FBXO42: variants seen among roughly 807,000 people sequenced by gnomAD.
FBXO42 encodes F-box protein 42.
Under a neutral mutation model 71.7 loss-of-function variants are expected in FBXO42, and 12 were observed. The observed-to-expected ratio is 0.17, with a 90% CI of 0.11 to 0.27. The LOEUF is 0.27. FBXO42 is among the 10% of genes least tolerant of loss of function. The probability of loss-of-function intolerance (pLI) is 1.00; values close to 1 mark genes in which losing one functional copy is unlikely to be tolerated. For synonymous variants in FBXO42, 325 were observed against 327.5 expected (o/e 0.99, Z 0.08); for missense variants, 707 against 911.9 (o/e 0.78, Z 2.89).
At chr1:16,260,714 G>C (rs1359241352) in intron 4 of FBXO42, among the ~76,000 whole-genome samples, 2 of 151,748 alleles carry the variant, frequency 1.3e-5, no homozygotes, top group Non-Finnish European at 2.9e-5. Context: ...TTATTTTTTT[G>C]AGATGAGGTC....
chr1:16,251,824 T>C lies in FBXO42; in HGVS notation c.1039-39A>G, dbSNP rs1190742076. 2 of 1,564,520 alleles carry C rather than the reference T, an allele frequency of 1.3e-6. No homozygotes were observed. The highest frequency in any genetic ancestry group is 1.7e-6 in the Non-Finnish European group (2 of 1,155,624). On this transcript the variant is annotated intron_variant, in intron 9 of 9. Coordinates refer to ENST00000375592, the MANE Select transcript of FBXO42 (RefSeq NM_018994.3). This position sits in a 1 kb window ranked among gnomAD's most constrained non-coding sequence, Gnocchi z 4.5. Reference sequence around the variant, plus strand: ...GACCAGTGCTCACACTCTTCTATGATTCTGATTGTTCATTCAACTGTCAAA... The same window carrying C: ...GACCAGTGCTCACACTCTTCTATGACTCTGATTGTTCATTCAACTGTCAAA...
chr1:16,328,989 C>A (rs1290104736), intron 1 of FBXO42, among the ~76,000 whole-genome samples: 1 of 151,384 alleles, frequency 6.6e-6, no homozygotes, highest in African/African-American at 2.4e-5. Context: ...ATGGTGAAAC[C>A]CCATCTCTAC....
Position 16,294,978 on chromosome 1 carries a change from C to G in FBXO42, c.368-61G>C, listed in dbSNP as rs1226980294. 3 of 1,502,310 alleles carry G rather than the reference C, an allele frequency of 2.0e-6. No individual in the cohort carries two copies. In the African/African-American group the frequency reaches 4.2e-5, roughly 21 times the overall value. 93.1% of individuals were successfully genotyped at this position (1,502,310 alleles called of 1,614,324 possible). A position where few individuals can be genotyped will look rare whatever the true frequency, so the allele number is the denominator to read the frequency against. ...TTCTGAGGCCCTTCCAACATTTTAA[C>G]CATAACATATATTTTTCAAAGCTTA... On this transcript the variant is annotated intron_variant, in intron 3 of 9. Transcript: ENST00000375592.
chr1:16,329,317 T>C (rs190793597), intron 1 of FBXO42, among the ~76,000 whole-genome samples: 2 of 151,460 alleles, frequency 1.3e-5, no homozygotes, highest in Non-Finnish European at 2.9e-5. Context: ...GGTGCTGTGG[T>C]TCATGCCTGT....
At chr1:16,263,122 A>G (rs944503563) in intron 4 of FBXO42, among the ~76,000 whole-genome samples, 1 of 152,156 alleles carries the variant, frequency 6.6e-6, no homozygotes, top group Non-Finnish European at 1.5e-5. Context: ...TTCAAATTAC[A>G]TAACTTTATT....
chr1:16,260,364 A>T (rs2081697968), intron 4 of FBXO42, among the ~76,000 whole-genome samples: 1 of 151,888 alleles, frequency 6.6e-6, no homozygotes, highest in South Asian at 2.1e-4. Flanking sequence ...GTATACTGCC[A>T]CGCCCGGCTA....
At chr1:16,333,172 CTTCA>C (rs1317959055) in intron 1 of FBXO42, among the ~76,000 whole-genome samples, 1 of 152,082 alleles carries the variant, frequency 6.6e-6, no homozygotes, top group Non-Finnish European at 1.5e-5. Context: ...TGTACAGTAT[CTTCA>C]TTATCTCAAA....
At chr1:16,349,942 T>C (rs1016565462) in intron 1 of FBXO42, among the ~76,000 whole-genome samples, 20 of 152,354 alleles carry the variant, frequency 1.3e-4, no homozygotes, top group African/African-American at 2.6e-4. Context: ...ATCTTTGAGA[T>C]AGCTTCTCCC....
At chr1:16,306,389 A>G (rs1203188643) in intron 2 of FBXO42, among the ~76,000 whole-genome samples, 1 of 152,198 alleles carries the variant, frequency 6.6e-6, no homozygotes, top group African/African-American at 2.4e-5. Context: ...ACAATTTTAA[A>G]ACTGAAAGGC....
At chr1:16,343,322 T>C (rs975311642) in intron 1 of FBXO42, among the ~76,000 whole-genome samples, 6 of 152,074 alleles carry the variant, frequency 3.9e-5, no homozygotes, top group African/African-American at 9.7e-5. Flanking sequence ...AGGTGGAGGA[T>C]TGCTTGAAGA....
intron 4 of FBXO42, among the ~76,000 whole-genome samples, chr1:16,267,242 C>T (rs561635894): frequency 1.3e-5 from 2 of 152,256 alleles, no homozygotes; most frequent in Admixed American, 1.3e-4. Context: ...ATAATAATTA[C>T]AAGTCATTGC....
intron 1 of FBXO42, among the ~76,000 whole-genome samples, chr1:16,346,794 G>A (rs934287019): frequency 1.5e-5 from 2 of 135,928 alleles, no homozygotes; most frequent in Non-Finnish European, 3.1e-5. Context: ...TCACTCTGTC[G>A]CCCAGGCTGG....
In FBXO42 at chr1:16,310,925, T is replaced by C. The variant is rs570138792; in HGVS notation, c.250+4244A>G. Among the ~76,000 whole-genome samples, 196 of 151,176 alleles carry C rather than the reference T, an allele frequency of 1.3e-3. No homozygotes were observed. In the Middle Eastern group the frequency reaches 0.024, roughly 18 times the overall value. On this transcript the variant is annotated intron_variant, in intron 2 of 9. Coordinates refer to ENST00000375592, the MANE Select transcript of FBXO42 (RefSeq NM_018994.3). ...GAAGGTGGAGGTTGCAGTGAGCCAA[T>C]ATTGTGCCACTGCACTCCAGCCTGG...
In FBXO42 at chr1:16,251,157, A is replaced by T; in HGVS notation, c.1667T>A (p.Leu556Gln). The T allele has an allele frequency of 6.2e-7, 1 of 1,614,186 alleles. No homozygotes were observed. The highest frequency in any genetic ancestry group is 8.5e-7 in the Non-Finnish European group (1 of 1,180,034). ...TTTGATGGCTTCCAGACTCCGACGC[A>T]GGGCACCTGGGGAGACGGCCCCTGC... Reference protein sequence around the residue: ...ALAGAVSPGALRRSLEAIKAM... With the variant: ...ALAGAVSPGAQRRSLEAIKAM... Residue 556 changes from leucine to glutamine, a missense_variant, in exon 10 of 10, where the codon CTG becomes CAG. Physicochemically the swap from Leu to Gln is moderately radical, Grantham distance 113. This residue lies in a region of FBXO42 where 482 missense variants were observed against 587.1 expected (regional missense o/e 0.82). Transcript: ENST00000375592. This position sits in a 1 kb window ranked among gnomAD's most constrained non-coding sequence, Gnocchi z 4.5.
At position 16,281,548 on chromosome 1, in the gene FBXO42, G is replaced by C. The variant is rs556653412; in HGVS notation, c.502+13235C>G. ...GCAGTGACAGAACATGGTTCACTGT[G>C]ACCTCTGCCTCCCAGGTTCAAGCAA... On this transcript the variant is annotated intron_variant, in intron 4 of 9. Coordinates refer to ENST00000375592, the MANE Select transcript of FBXO42 (RefSeq NM_018994.3). 9.4e-5 allele frequency among the ~76,000 whole-genome samples: 14 copies of C among 148,720 alleles called. No homozygotes were observed. In the South Asian group the frequency reaches 2.8e-3, roughly 30 times the overall value.
chr1:16,343,914 G>T (rs1261879319), intron 1 of FBXO42, among the ~76,000 whole-genome samples: 2 of 150,164 alleles, frequency 1.3e-5, no homozygotes, highest in Admixed American at 6.7e-5. Flanking sequence ...GGAGATTGGG[G>T]CTGCATTGAG....
chr1:16,317,215 C>G (rs1470836189), intron 1 of FBXO42, among the ~76,000 whole-genome samples: 2 of 152,082 alleles, frequency 1.3e-5, no homozygotes, highest in African/African-American at 4.8e-5. Flanking sequence ...GTCAGGAGTT[C>G]AAGACCAGCC....
At chr1:16,294,148 T>A (rs1318521271) in intron 4 of FBXO42, 1 of 152,314 alleles carries the variant, frequency 6.6e-6, no homozygotes, top group Non-Finnish European at 1.5e-5. Flanking sequence ...CACCAACCCC[T>A]CCAATCTATG....
chr1:16,253,537 G>T, intron 7 of FBXO42, 98 bp downstream of exon 7: 1 of 979,572 alleles, frequency 1.0e-6, no homozygotes, highest in Non-Finnish European at 1.6e-6. Flanking sequence ...CTTTGGCTTA[G>T]TGCATATTGG....
Sources: gnomAD v4.1 joint callset for allele counts (sites outside exome capture counted in the v4.1 genomes callset) on GRCh38, gnomAD v4.1.1 for gene constraint, gnomAD v4.1.1 regional missense constraint, Gnocchi (gnomAD v3.1) non-coding constraint, MANE v1.5 for transcripts, NCBI Gene and HGNC (gene_info 2026-07-23, HGNC 2026-07-21) for gene names.